The following CPVL variants were observed in gnomAD, a reference collection of about 807,000 sequenced individuals.
The protein encoded by CPVL is carboxypeptidase vitellogenic like.
Under a neutral mutation model 63.7 loss-of-function variants are expected in CPVL, and 51 were observed. The observed-to-expected ratio is 0.80, with a 90% CI of 0.64 to 1.01. The LOEUF (loss-of-function observed/expected upper bound fraction) is 1.01, where lower values mean the gene tolerates loss of function less well. Among genes scored for constraint, CPVL ranks in the 50% least tolerant of loss-of-function variants. CPVL has a pLI of 0.00. For missense variants in CPVL, 530 were observed against 573.1 expected (o/e 0.92, Z 0.77); for synonymous variants, 195 against 206.0 (o/e 0.95, Z 0.46).
chr7:29,009,256 G>A (rs1240440352), intron 12 of CPVL: 3 of 150,272 alleles, frequency 2.0e-5, no homozygotes, highest in East Asian at 2.0e-4. Flanking sequence ...ACTTTTAGAC[G>A]TGAGAAAGGA....
chr7:28,995,851 G>C lies in CPVL; in HGVS notation c.1352C>G (p.Pro451Arg). The change falls in exon 13 of 13, where the codon CCC (proline) becomes CGC (arginine). Residue 451 changes from proline (P) to arginine (R), a missense_variant. Transcript: ENST00000265394. ...AAAAGCTCTCAGAGGCTGGTCATAG[G>C]GTAAAATATGTCCTCCACCTCGAAT... ...VIIRGGGHIL[P>R]YDQPLRAFDM... 1 of 1,597,986 alleles carries C rather than the reference G, an allele frequency of 6.3e-7. No individual in the cohort carries two copies. The highest frequency in any genetic ancestry group is 8.5e-7 in the Non-Finnish European group (1 of 1,174,288).
At chr7:29,133,347 G>A (rs994722937) in intron 1 of CPVL, among the ~76,000 whole-genome samples, 5 of 152,180 alleles carry the variant, frequency 3.3e-5, no homozygotes, top group Non-Finnish European at 5.9e-5. Context: ...CATGCTGACA[G>A]TGCCCCTTTG....
intron 1 of CPVL, among the ~76,000 whole-genome samples, chr7:29,186,930 T>C (rs886349319): frequency 2.0e-5 from 3 of 152,162 alleles, no homozygotes; most frequent in Non-Finnish European, 2.9e-5. Flanking sequence ...TTGTTGAGCA[T>C]TTTAATTAAG....
intron 1 of CPVL, among the ~76,000 whole-genome samples, chr7:29,140,218 T>A (rs1384675607): frequency 6.6e-6 from 1 of 152,132 alleles, no homozygotes; most frequent in Non-Finnish European, 1.5e-5. Context: ...GGCAGGAGGA[T>A]TATTTGAGCC....
chr7:29,073,419 C>T (rs1181472711), intron 7 of CPVL, among the ~76,000 whole-genome samples: 3 of 152,148 alleles, frequency 2.0e-5, no homozygotes, highest in African/African-American at 4.8e-5. Context: ...CCTTCTTTTG[C>T]CCTTATCCTT....
intron 7 of CPVL, among the ~76,000 whole-genome samples, chr7:29,083,040 G>T (rs1433494144): frequency 2.0e-5 from 3 of 152,176 alleles, no homozygotes; most frequent in African/African-American, 7.2e-5. Flanking sequence ...GGAACAGGCA[G>T]AAATTACCAG....
intron 9 of CPVL, among the ~76,000 whole-genome samples, chr7:29,066,457 G>T (rs1783147651): frequency 6.6e-6 from 1 of 152,220 alleles, no homozygotes; most frequent in Non-Finnish European, 1.5e-5. Flanking sequence ...GGAGTAGGAA[G>T]TGTCATGTGT....
intron 5 of CPVL, among the ~76,000 whole-genome samples, chr7:29,170,180 G>T (rs1320814608): frequency 1.3e-5 from 2 of 152,034 alleles, no homozygotes; most frequent in African/African-American, 4.8e-5. Flanking sequence ...CTTAAACATG[G>T]TCCTAAGGTG....
intron 2 of CPVL, among the ~76,000 whole-genome samples, chr7:29,115,560 C>A (rs1362318734): frequency 6.6e-6 from 1 of 151,986 alleles, no homozygotes; most frequent in Non-Finnish European, 1.5e-5. Flanking sequence ...CAGGGCTGGG[C>A]AGCCTTTAAA....
At chr7:29,131,038 C>G (rs897753275) in intron 1 of CPVL, among the ~76,000 whole-genome samples, 1 of 152,120 alleles carries the variant, frequency 6.6e-6, no homozygotes. Flanking sequence ...TAGTTTTGCT[C>G]AAGTCAGTGT....
rs1790504935 is a variant in CPVL at position 29,054,405 on chromosome 7, T to C, written c.1137+9656A>G. 2.6e-5 allele frequency among the ~76,000 whole-genome samples: 4 copies of C among 152,244 alleles called. No individual in the cohort carries two copies. The South Asian group carries it at 8.3e-4, about 31-fold the overall frequency. On this transcript the variant is annotated intron_variant, in intron 11 of 12. Transcript: ENST00000265394. ...TTATTCTACCATTTTACTTGAAATG[T>C]AGTTCTAGATTGTTATCTCATTTTA... is the stretch of plus-strand genomic sequence containing the variant.
intron 5 of CPVL, among the ~76,000 whole-genome samples, chr7:29,162,979 C>G (rs1464378550): frequency 6.6e-6 from 1 of 152,090 alleles, no homozygotes; most frequent in East Asian, 1.9e-4. Flanking sequence ...ATATAAATAA[C>G]AGTGAAATAT....
At chr7:29,120,844 ACTGTTG>A in intron 2 of CPVL, 43 bp downstream of exon 2, 4 of 1,478,422 alleles carry the variant, frequency 2.7e-6, no homozygotes, top group Admixed American at 2.1e-5. Context: ...AAAAAGAGAA[ACTGTTG>A]AACTCATGCC....
chr7:29,179,891 CA>C (rs1263370156), intron 5 of CPVL, among the ~76,000 whole-genome samples: 1 of 152,054 alleles, frequency 6.6e-6, no homozygotes, highest in Non-Finnish European at 1.5e-5. Context: ...GTATTACAAA[CA>C]AAAAATCTGG....
chr7:29,055,272 G>A (rs1400767300), intron 11 of CPVL, among the ~76,000 whole-genome samples: 1 of 151,978 alleles, frequency 6.6e-6, no homozygotes, highest in African/African-American at 2.4e-5. Context: ...TATTTTGAGA[G>A]GGAGTCTCAC....
chr7:29,097,123 C>A (rs1331754390), intron 3 of CPVL, among the ~76,000 whole-genome samples: 2 of 151,554 alleles, frequency 1.3e-5, no homozygotes, highest in African/African-American at 4.9e-5. Context: ...AAACCCTGAA[C>A]AAGGTACAGA....
At chr7:29,081,388 GGAA>G (rs1784696454) in intron 7 of CPVL, 1 of 152,216 alleles carries the variant, frequency 6.6e-6, no homozygotes, top group South Asian at 2.1e-4. Flanking sequence ...AAGAGGAGGA[GGAA>G]GAAGACAAAG....
rs1412389504 is a variant in CPVL, at chr7:29,152,728, G to A, written c.-11+28562C>T. Among the ~76,000 whole-genome samples, 4 of 152,180 alleles carry A rather than the reference G, an allele frequency of 2.6e-5. No individual in the cohort carries two copies. The East Asian group carries it at 7.7e-4, about 29-fold the overall frequency. On this transcript the variant is annotated intron_variant, in intron 5 of 16. Transcript: ENST00000409850. ...TGGGCTCTTTTGCTCTGAGACGGTT[G>A]GAAGAGTTAACGCCATTTTGTCTCT...
chr7:29,035,645 A>T (rs1788456089), intron 11 of CPVL, among the ~76,000 whole-genome samples: 1 of 152,206 alleles, frequency 6.6e-6, no homozygotes, highest in Non-Finnish European at 1.5e-5. Context: ...AGTGCGTGCT[A>T]CATCCCCAGG....
Sources: allele counts gnomAD v4.1 joint callset (sites outside exome capture counted in the v4.1 genomes callset), GRCh38; gene constraint gnomAD v4.1.1; transcripts MANE v1.5; gene names NCBI Gene and HGNC (gene_info 2026-07-23, HGNC 2026-07-21).